Variants in PABPC1 observed in about 807,000 individuals in gnomAD.
PABPC1 encodes the protein poly(A) binding protein cytoplasmic 1.
PABPC1 carries 4 observed loss-of-function variants against 74.0 expected under a neutral mutation model. That is an observed-to-expected ratio of 0.05 (90% CI 0.03 to 0.12). The LOEUF is 0.12. Ranked by LOEUF, PABPC1 falls within the 10% of genes least tolerant of loss-of-function variation. The pLI, the probability that PABPC1 is intolerant of heterozygous loss-of-function variation, is 1.00. For synonymous variants in PABPC1, 227 were observed against 264.1 expected (o/e 0.86, Z 1.36); for missense variants, 271 against 821.1 (o/e 0.33, Z 8.19).
chr8:100,718,629 T>G (rs772415365), intron 1 of PABPC1, among the ~76,000 whole-genome samples: 32 of 152,340 alleles, frequency 2.1e-4, no homozygotes, highest in Middle Eastern at 3.4e-3. Context: ...TCACATACAA[T>G]CTGTTTAATA....
Position 100,705,569 on chromosome 8 carries a change from G to A in PABPC1, c.1687+20C>T. 1.5e-6 allele frequency: 2 copies of A among 1,337,370 alleles called. No individual in the cohort carries two copies. The highest frequency in any genetic ancestry group is 2.3e-5 in the East Asian group (1 of 43,132). The allele number at this position is 1,337,370 out of a possible 1,614,324, so 82.8% of individuals were successfully genotyped here. A position where few individuals can be genotyped will look rare whatever the true frequency, so the allele number is the denominator to read the frequency against. Reference sequence around the variant, plus strand: ...TTTTCTAGTCTTTCTGAACTGACAAGGTGGGACAGAAGTACTCACCCAACA... The same window carrying A: ...TTTTCTAGTCTTTCTGAACTGACAAAGTGGGACAGAAGTACTCACCCAACA... On this transcript the variant is annotated intron_variant, in intron 12 of 14. Coordinates refer to ENST00000318607, the MANE Select transcript of PABPC1 (RefSeq NM_002568.4).
chr8:100,718,885 A>G (rs1044618526), intron 1 of PABPC1, among the ~76,000 whole-genome samples: 2 of 152,218 alleles, frequency 1.3e-5, no homozygotes, highest in Non-Finnish European at 2.9e-5. Context: ...CTAGACCAAG[A>G]TTTGAATCAT....
At position 100,707,513 on chromosome 8, in the gene PABPC1, G is replaced by C. The variant is rs539089378; in HGVS notation, c.1337-516C>G. On this transcript the variant is annotated intron_variant, in intron 9 of 14. Coordinates refer to ENST00000318607, the MANE Select transcript of PABPC1 (RefSeq NM_002568.4). ...CTGGCAGCCGAGGCAGAGAGGGAGA[G>C]GAGACAGAGAGAAAGACAGCTTACG... Among the ~76,000 whole-genome samples, 346 of 152,334 alleles carry C rather than the reference G, an allele frequency of 2.3e-3. 2 individuals are homozygous for C. Among genetic ancestry groups the C allele is most frequent in the African/African-American group, 7.7e-3 (319 of 41,568 alleles).
intron 12 of PABPC1, among the ~76,000 whole-genome samples, chr8:100,705,312 C>T (rs1032769756): frequency 6.6e-6 from 1 of 152,240 alleles, no homozygotes; most frequent in South Asian, 2.1e-4. Context: ...GGCAAAGTCA[C>T]AAGTTTTCTT....
At chr8:100,710,914 G>C (rs901998573) in intron 7 of PABPC1, among the ~76,000 whole-genome samples, 5 of 151,874 alleles carry the variant, frequency 3.3e-5, no homozygotes, top group Admixed American at 1.3e-4. Context: ...TTGAACCCAG[G>C]GGGTGGAAGT....
At chr8:100,715,162 T>C (rs111858154) in intron 4 of PABPC1, among the ~76,000 whole-genome samples, 2,155 of 130,800 alleles carry the variant, frequency 0.016, 44 homozygotes, top group African/African-American at 0.065. Context: ...CACACACATA[T>C]ATATCTCCAG....
chr8:100,719,512 A>C (rs1024853583), intron 1 of PABPC1, among the ~76,000 whole-genome samples: 6 of 152,122 alleles, frequency 3.9e-5, no homozygotes, highest in African/African-American at 1.2e-4. Context: ...TAAGTTTTTA[A>C]AAAAGAACAA....
intron 7 of PABPC1, among the ~76,000 whole-genome samples, chr8:100,710,880 G>T (rs527287293): frequency 3.9e-5 from 6 of 152,126 alleles, no homozygotes; most frequent in Non-Finnish European, 8.8e-5. Flanking sequence ...CCAGCTACTC[G>T]GGAAGCTGAG....
intron 4 of PABPC1, among the ~76,000 whole-genome samples, chr8:100,713,424 C>T (rs1391045783): frequency 2.6e-5 from 4 of 152,166 alleles, no homozygotes; most frequent in Non-Finnish European, 4.4e-5. Flanking sequence ...ACACTTTAAA[C>T]GGCTGTAAAA....
Position 100,712,468 on chromosome 8 carries a change from G to A in PABPC1, c.877-11C>T, listed in dbSNP as rs893202870. 1 of 1,561,182 alleles carries A rather than the reference G, an allele frequency of 6.4e-7. No individual in the cohort carries two copies. The highest frequency in any genetic ancestry group is 8.7e-7 in the Non-Finnish European group (1 of 1,148,856). Reference sequence around the variant, plus strand: ...ATAAAGATTAACACCCTAAAAAGAAGAAAAGAAAACTATAGAAAAAGAAAA... The same window carrying A: ...ATAAAGATTAACACCCTAAAAAGAAAAAAAGAAAACTATAGAAAAAGAAAA... On this transcript the variant is annotated splice_polypyrimidine_tract_variant and intron_variant, in intron 6 of 14. Coordinates refer to ENST00000318607, the MANE Select transcript of PABPC1 (RefSeq NM_002568.4).
rs1360150327 is a variant in PABPC1, at chr8:100,712,762, G to A, written c.766C>T (p.Leu256Phe). 3 of 1,607,916 alleles carry A rather than the reference G, an allele frequency of 1.9e-6. No individual in the cohort carries two copies. The highest frequency in any genetic ancestry group is 2.5e-6 in the Non-Finnish European group (3 of 1,178,796). The change falls in exon 6 of 15, where the codon CTC becomes TTC. Residue 256 changes from leucine to phenylalanine, a missense_variant. By Grantham distance (22) the Leu-to-Phe change is conservative (BLOSUM62 0). Coordinates refer to ENST00000318607, the MANE Select transcript of PABPC1 (RefSeq NM_002568.4). ...CCAACATAAATTTGTTTTCCATTGA[G>A]CTCCTTTCCGTTCATCTCATCCACA... Reference protein sequence around the residue: ...KAVDEMNGKELNGKQIYVGRA... With the variant: ...KAVDEMNGKEFNGKQIYVGRA...
intron 7 of PABPC1, among the ~76,000 whole-genome samples, chr8:100,711,771 T>A (rs1358304093): frequency 2.0e-5 from 3 of 151,206 alleles, no homozygotes; most frequent in Non-Finnish European, 4.4e-5. Context: ...TCATTCCAGT[T>A]CAGTTGAGTT....
chr8:100,709,277 G>C (rs1213495060), intron 8 of PABPC1, 54 bp from the exon 9 acceptor site: 29 of 1,520,714 alleles, frequency 1.9e-5, no homozygotes, highest in Non-Finnish European at 2.6e-5. Flanking sequence ...AGCAAATAAT[G>C]CAATAAATTA....
intron 7 of PABPC1, 127 bp downstream of exon 7, chr8:100,712,235 T>C (rs1587156106): frequency 1.7e-6 from 1 of 591,242 alleles, no homozygotes; most frequent in East Asian, 2.8e-5. Context: ...CAAATGTGAA[T>C]TTAAGTTTTA....
Position 100,703,123 on chromosome 8 carries a change from T to G in PABPC1, c.*238A>C, listed in dbSNP as rs1301657141. ...CAGGGTCTATAAAACATTAATTTGT[T>G]TTTATATTTTACTATTTTTTTGTGT... is the stretch of plus-strand genomic sequence containing the variant. On this transcript the variant is annotated 3_prime_UTR_variant, in exon 15 of 15. Transcript: ENST00000318607. The G allele has an allele frequency of 6.0e-6, 1 of 165,736 alleles. No homozygotes were observed. Among genetic ancestry groups the G allele is most frequent in the Non-Finnish European group, 1.5e-5 (1 of 68,128 alleles). 10.3% of individuals were successfully genotyped at this position (165,736 alleles called of 1,614,324 possible).
chr8:100,703,100 G>A lies in PABPC1; in HGVS notation c.*261C>T, dbSNP rs1467939427. ...ACTTTGCTGAAAATTCTTTTTCCCA[G>A]GGTCTATAAAACATTAATTTGTTTT... is the stretch of plus-strand genomic sequence containing the variant. On this transcript the variant is annotated 3_prime_UTR_variant, in exon 15 of 15. Transcript: ENST00000318607. The A allele has an allele frequency of 1.2e-5, 2 of 164,090 alleles. No individual in the cohort carries two copies. The highest frequency in any genetic ancestry group is 1.3e-4 in the Admixed American group (2 of 15,290). The allele number at this position is 164,090 out of a possible 1,614,324, so 10.2% of individuals were successfully genotyped here.
intron 3 of PABPC1, among the ~76,000 whole-genome samples, chr8:100,717,448 T>C (rs1448394812): frequency 1.3e-5 from 2 of 152,258 alleles, no homozygotes; most frequent in African/African-American, 4.8e-5. Context: ...GATTTTTCAC[T>C]AATGCACTCA....
At chr8:100,715,645 A>G (rs1202798462) in intron 3 of PABPC1, 44 bp from the exon 4 acceptor site, 4 of 1,447,946 alleles carry the variant, frequency 2.8e-6, no homozygotes, top group Non-Finnish European at 2.8e-6. Context: ...TCTATTTTAT[A>G]AAGTTCAGAT....
At chr8:100,714,813 G>A (rs1810623987) in intron 4 of PABPC1, among the ~76,000 whole-genome samples, 3 of 152,188 alleles carry the variant, frequency 2.0e-5, no homozygotes, top group African/African-American at 7.2e-5. Context: ...AATGCAAAGG[G>A]TGGGGTCAAG....
Sources: allele counts gnomAD v4.1 joint callset (sites outside exome capture counted in the v4.1 genomes callset), GRCh38; gene constraint gnomAD v4.1.1; transcripts MANE v1.5; gene names NCBI Gene and HGNC (gene_info 2026-07-23, HGNC 2026-07-21).